Variants in PPARGC1A observed in about 807,000 individuals in gnomAD.
PPARGC1A encodes the protein PPARG coactivator 1 alpha.
A neutral mutation model predicts 88.7 loss-of-function variants in PPARGC1A; 25 were observed. That is an observed-to-expected ratio of 0.28 (90% CI 0.21 to 0.39). PPARGC1A has a LOEUF of 0.39. Ranked by LOEUF, PPARGC1A falls within the 10% of genes least tolerant of loss-of-function variation. The probability of loss-of-function intolerance (pLI) is 1.00; values close to 1 mark genes in which losing one functional copy is unlikely to be tolerated. For missense variants in PPARGC1A, 880 were observed against 968.7 expected (o/e 0.91, Z 1.22); for synonymous variants, 363 against 355.6 (o/e 1.02, Z -0.24).
the PPARGC1A span, among the ~76,000 whole-genome samples, chr4:24,327,301 C>T: frequency 1.3e-5 from 2 of 152,208 alleles, no homozygotes; most frequent in East Asian, 1.9e-4. Context: ...AGTCATACTC[C>T]TATTCACTGT....
chr4:24,384,012 A>G, the PPARGC1A span, among the ~76,000 whole-genome samples: 1 of 152,204 alleles, frequency 6.6e-6, no homozygotes, highest in African/African-American at 2.4e-5. Flanking sequence ...AGCCCATCAG[A>G]CTAACAGTGG....
At chr4:24,009,358 A>C in the PPARGC1A span, among the ~76,000 whole-genome samples, 2 of 152,182 alleles carry the variant, frequency 1.3e-5, no homozygotes, top group African/African-American at 2.4e-5. Flanking sequence ...TTCATTCTGA[A>C]AATAGGGTCT....
At chr4:24,095,287 T>C in the PPARGC1A span, among the ~76,000 whole-genome samples, 2 of 151,894 alleles carry the variant, frequency 1.3e-5, no homozygotes, top group South Asian at 4.2e-4. Flanking sequence ...CGGCTAATTT[T>C]TGTATTTTTA....
chr4:24,446,643 C>T, the PPARGC1A span, among the ~76,000 whole-genome samples: 2 of 144,484 alleles, frequency 1.4e-5, no homozygotes, highest in South Asian at 4.4e-4. Flanking sequence ...GTCATCCAGG[C>T]TGGAGTGCAG....
the PPARGC1A span, among the ~76,000 whole-genome samples, chr4:23,980,606 A>G: frequency 3.9e-5 from 6 of 152,198 alleles, no homozygotes; most frequent in African/African-American, 1.2e-4. Context: ...CTCCAGGAAG[A>G]GTAGAGCATC....
the PPARGC1A span, among the ~76,000 whole-genome samples, chr4:24,013,061 T>C: frequency 6.6e-6 from 1 of 152,094 alleles, no homozygotes; most frequent in African/African-American, 2.4e-5. Flanking sequence ...CCAGGGTGAG[T>C]TTCATTCATT....
the PPARGC1A span, among the ~76,000 whole-genome samples, chr4:24,054,147 T>A: frequency 1.3e-5 from 2 of 152,152 alleles, no homozygotes; most frequent in African/African-American, 4.8e-5. Context: ...TAGAACCAGC[T>A]GTTTGGGGCA....
chr4:23,910,375 A>G, the PPARGC1A span, among the ~76,000 whole-genome samples: 2 of 104,964 alleles, frequency 1.9e-5, no homozygotes, highest in East Asian at 4.7e-4. Flanking sequence ...ATTATATTAT[A>G]TTATATATAT....
the PPARGC1A span, among the ~76,000 whole-genome samples, chr4:24,432,992 C>A: frequency 1.3e-4 from 20 of 152,120 alleles, no homozygotes; most frequent in Non-Finnish European, 1.5e-4. Flanking sequence ...TCAGACGAGA[C>A]CCTAAACTCG....
At chr4:23,842,592 G>A (rs1727253023) in intron 2 of PPARGC1A, among the ~76,000 whole-genome samples, 2 of 152,066 alleles carry the variant, frequency 1.3e-5, no homozygotes, top group African/African-American at 4.8e-5. Context: ...TGTTTTGGGG[G>A]CTGTCCTGTG....
chr4:23,853,136 GTTTTCATTA>G (rs1021031905), intron 2 of PPARGC1A, among the ~76,000 whole-genome samples: 4 of 152,012 alleles, frequency 2.6e-5, no homozygotes, highest in Admixed American at 2.6e-4. Flanking sequence ...TTAGAAGAAG[GTTTTCATTA>G]TAGAAAGCAA....
chr4:24,324,397 C>G, the PPARGC1A span, among the ~76,000 whole-genome samples: 24 of 152,190 alleles, frequency 1.6e-4, no homozygotes, highest in African/African-American at 5.5e-4. Flanking sequence ...TGCCCCAACC[C>G]CTTCTCTGCT....
the PPARGC1A span, among the ~76,000 whole-genome samples, chr4:24,292,024 A>G: frequency 6.6e-6 from 1 of 152,176 alleles, no homozygotes; most frequent in Non-Finnish European, 1.5e-5. Flanking sequence ...GGCTTCTCCA[A>G]AGACAAAAAG....
At chr4:24,208,935 T>C in the PPARGC1A span, among the ~76,000 whole-genome samples, 1 of 152,056 alleles carries the variant, frequency 6.6e-6, no homozygotes, top group South Asian at 2.1e-4. Context: ...GAGGGAATTG[T>C]TCAAAGGTCA....
At chr4:23,851,893 T>C (rs974089376) in intron 2 of PPARGC1A, among the ~76,000 whole-genome samples, 2 of 152,208 alleles carry the variant, frequency 1.3e-5, no homozygotes, top group East Asian at 3.8e-4. Context: ...TTAATGTGCA[T>C]ATGAATCACC....
At chr4:24,300,201 T>G in the PPARGC1A span, among the ~76,000 whole-genome samples, 1 of 152,138 alleles carries the variant, frequency 6.6e-6, no homozygotes, top group Non-Finnish European at 1.5e-5. Flanking sequence ...TCACATTTTG[T>G]TCAATTTGCC....
rs1250920277 is a variant in PPARGC1A, at chr4:23,801,765, C to T, written c.2258G>A (p.Arg753His). The change falls in exon 12 of 13, where the codon CGC (arginine) becomes CAC (histidine). Residue 753 changes from arginine to histidine, a missense_variant. Physicochemically the swap from Arg to His is conservative, Grantham distance 29. Transcript: ENST00000264867. ...ATAGTTAGACTTGAAAAATTGCTTG[C>T]GTCCACAAAAGTACAGCTCAAAGTC... ...ETDFELYFCGRKQFFKSNYAD... is the reference protein window; with the variant it reads ...ETDFELYFCGHKQFFKSNYAD... 8.1e-6 allele frequency: 13 copies of T among 1,613,862 alleles called. No homozygotes were observed. The highest frequency in any genetic ancestry group is 1.6e-4 in the Middle Eastern group (1 of 6,082).
chr4:24,344,601 G>GT, the PPARGC1A span, among the ~76,000 whole-genome samples: 735 of 97,662 alleles, frequency 7.5e-3, 11 homozygotes, highest in African/African-American at 0.023. Flanking sequence ...GGGATTGTTT[G>GT]TTTTTTTTTT....
the PPARGC1A span, among the ~76,000 whole-genome samples, chr4:24,148,659 A>C: frequency 6.6e-6 from 1 of 152,222 alleles, no homozygotes; most frequent in Admixed American, 6.5e-5. Flanking sequence ...GAGAATCCTG[A>C]GATCTCCTGG....
Sources: gnomAD v4.1 joint callset for allele counts (sites outside exome capture counted in the v4.1 genomes callset) on GRCh38, gnomAD v4.1.1 for gene constraint, MANE v1.5 for transcripts, NCBI Gene and HGNC (gene_info 2026-07-23, HGNC 2026-07-21) for gene names.